The following ITIH6 variants were observed in gnomAD, a reference collection of about 807,000 sequenced individuals.
ITIH6 encodes the protein inter-alpha-trypsin inhibitor heavy chain H6.
ITIH6 carries 60 observed loss-of-function variants against 58.2 expected under a neutral mutation model. The observed-to-expected ratio is 1.03, with a 90% CI of 0.84 to 1.28. The LOEUF is 1.28. Among genes scored for constraint, ITIH6 ranks in the 50% most tolerant of loss-of-function variants. The pLI is 0.00. For synonymous variants in ITIH6, 493 were observed against 417.4 expected, an observed-to-expected ratio of 1.18 and a Z score of -2.21; for missense variants, 1,290 against 1,021.1, an observed-to-expected ratio of 1.26 and a Z score of -3.59.
Position 54,750,083 on chromosome X carries a change from G to T in ITIH6, c.3754C>A (p.Arg1252=), listed in dbSNP as rs762015353. 2 of 1,206,227 alleles carry T rather than the reference G, an allele frequency of 1.7e-6. No homozygotes were observed. The highest frequency in any genetic ancestry group is 3.5e-5 in the African/African-American group (2 of 57,030). Residue 1252 remains arginine, a synonymous_variant, in exon 13 of 13, where the codon CGA becomes AGA. Transcript: ENST00000218436. Reference sequence around the variant, plus strand: ...GGCCCCATAGGTCCTGTCACCAGTCGGATGTCTGCGTGCTGGAACTGCCCT... The same window carrying T: ...GGCCCCATAGGTCCTGTCACCAGTCTGATGTCTGCGTGCTGGAACTGCCCT... The part of the protein sequence containing the change: ...LIGQFQHADI[R]LVTGPMGPCL...
At chrX:54,770,552 A>T (rs1311108571) in intron 6 of ITIH6, among the ~76,000 whole-genome samples, 1 of 112,615 alleles carries the variant, frequency 8.9e-6, no homozygotes, top group Non-Finnish European at 1.9e-5. Context: ...TTTGCAGTAT[A>T]CATTTACAAC....
intron 2 of ITIH6, among the ~76,000 whole-genome samples, chrX:54,795,489 G>A (rs918121858): frequency 9.0e-6 from 1 of 111,545 alleles, no homozygotes; most frequent in Non-Finnish European, 1.9e-5. Context: ...ACCCAAGGAG[G>A]TGCTCTAACA....
intron 4 of ITIH6, 123 bp downstream of exon 4, chrX:54,790,714 A>T: frequency 1.1e-6 from 1 of 893,351 alleles, no homozygotes; most frequent in Non-Finnish European, 1.6e-6. Context: ...TCACTGAATC[A>T]GGAAGGAACT....
intron 5 of ITIH6, among the ~76,000 whole-genome samples, chrX:54,774,429 G>A (rs756424110): frequency 4.4e-5 from 5 of 113,073 alleles, no homozygotes; most frequent in African/African-American, 1.6e-4. Context: ...GCTGTGGAGG[G>A]AATGAGACTG....
intron 5 of ITIH6, among the ~76,000 whole-genome samples, chrX:54,779,050 G>A (rs773382239): frequency 1.7e-4 from 19 of 111,931 alleles, no homozygotes; most frequent in African/African-American, 2.3e-4. Flanking sequence ...TCCCTCAAAC[G>A]TGAAAGAGAA....
At chrX:54,770,366 A>C (rs989181094) in intron 6 of ITIH6, among the ~76,000 whole-genome samples, 1 of 112,704 alleles carries the variant, frequency 8.9e-6, no homozygotes, top group Non-Finnish European at 1.9e-5. Flanking sequence ...GGAGCTGTAG[A>C]CCGGAGCTGT....
At chrX:54,755,274 T>C (rs182952339) in intron 8 of ITIH6, among the ~76,000 whole-genome samples, 165 bp from the exon 9 acceptor site, 4 of 112,861 alleles carry the variant, frequency 3.5e-5, no homozygotes, top group Admixed American at 1.9e-4. Flanking sequence ...AGCTCAGATA[T>C]GTTCAAAGTT....
At chrX:54,791,108 G>A (rs751357852) in intron 3 of ITIH6, 24 bp from the exon 4 acceptor site, 6 of 1,204,700 alleles carry the variant, frequency 5.0e-6, no homozygotes. Context: ...GGAGGATGGT[G>A]GGAAGAGAAA....
At chrX:54,782,204 G>T (rs1929162493) in intron 5 of ITIH6, among the ~76,000 whole-genome samples, 1 of 111,055 alleles carries the variant, frequency 9.0e-6, no homozygotes. Context: ...ATCACCTGAG[G>T]TAAGGAGTTC....
At chrX:54,763,408 C>T (rs1039150737) in intron 6 of ITIH6, among the ~76,000 whole-genome samples, 7 of 111,571 alleles carry the variant, frequency 6.3e-5, no homozygotes, top group African/African-American at 9.8e-5. Flanking sequence ...TCTTGTTGAC[C>T]GGGAATAGAC....
In ITIH6 at chrX:54,791,983, T is replaced by G; in HGVS notation, c.311A>C (p.Lys104Thr). The G allele has an allele frequency of 8.3e-7, 1 of 1,209,900 alleles. No homozygotes were observed. Among genetic ancestry groups the G allele is most frequent in the Non-Finnish European group, 1.1e-6 (1 of 893,706 alleles). The change falls in exon 3 of 13, where the codon AAG becomes ACG. Residue 104 changes from lysine (K) to threonine (T), a missense_variant. Physicochemically the swap from Lys to Thr is moderately conservative, Grantham distance 78. Transcript: ENST00000218436. ...CTGATGGGCTTCTTCATAGATTTTC[T>G]TTGCCTGGTGCTTCTCTTTGACTTC... is the stretch of plus-strand genomic sequence containing the variant. Reference protein sequence around the residue: ...IAEVKEKHQAKKIYEEAHQQG... With the variant: ...IAEVKEKHQATKIYEEAHQQG...
At chrX:54,777,470 C>A (rs1929073496) in intron 5 of ITIH6, among the ~76,000 whole-genome samples, 1 of 112,273 alleles carries the variant, frequency 8.9e-6, no homozygotes. Flanking sequence ...TAGGCGGAAG[C>A]CAGGATGTGG....
Position 54,758,992 on chromosome X carries a change from T to C in ITIH6, c.1082A>G (p.Asp361Gly), listed in dbSNP as rs1403606827. ...AGCTGCCAGCAGAGCTGAGTTGACG[T>C]CTGTCCCTAATTGGGGAATAGATTG... ...LHCMEADGWT[D>G]VNSALLAAAS... is the part of the protein sequence containing the mutation. The change falls in exon 8 of 13, where the codon GAC becomes GGC. Residue 361 changes from aspartate (D) to glycine (G), a missense_variant. Physicochemically the swap from Asp to Gly is moderately conservative, Grantham distance 94. Transcript: ENST00000218436. 1 of 1,153,424 alleles carries C rather than the reference T, an allele frequency of 8.7e-7. No individual in the cohort carries two copies. Among genetic ancestry groups the C allele is most frequent in the Admixed American group, 2.5e-5 (1 of 39,314 alleles).
chrX:54,796,964 C>T lies in ITIH6; in HGVS notation c.235G>A (p.Ala79Thr). 8.3e-7 allele frequency: 1 copy of T among 1,210,683 alleles called. No individual in the cohort carries two copies. ...TACATAGTGAAATTGGAGATAAAGG[C>T]AAGATGAGGCAGATCCAGGTCAAAG... ...AIFDLDLPHL[A>T]FISNFTMTIN... The change falls in exon 2 of 13, where the codon GCC becomes ACC. Residue 79 changes from alanine to threonine, a missense_variant. Physicochemically the swap from Ala to Thr is moderately conservative, Grantham distance 58. Transcript: ENST00000218436.
rs1251375694 is a variant in ITIH6, at chrX:54,751,037, G to A, written c.3696C>T (p.Gly1232=). 1.0e-5 allele frequency: 12 copies of A among 1,180,742 alleles called. No individual in the cohort carries two copies. In the South Asian group the frequency reaches 1.9e-4, roughly 19 times the overall value. Residue 1232 remains glycine (G), a synonymous_variant, in exon 12 of 13, where the codon GGC becomes GGT. Transcript: ENST00000218436. ...CACGGGCTGAGGGGCTGAGGCCTGA[G>A]CCATTGGCCACGTAGAACCCCAGGT... is the stretch of plus-strand genomic sequence containing the variant. ...LPHLGFYVAN[G]SGLSPSARGL...
rs372370767 is a variant in ITIH6, at chrX:54,774,224, T to G, written c.787-27A>C. 150 of 665,634 alleles carry G rather than the reference T, an allele frequency of 2.3e-4. No homozygotes were observed. In the African/African-American group the frequency reaches 3.4e-3, roughly 15 times the overall value. 54.9% of individuals were successfully genotyped at this position (665,634 alleles called of 1,213,427 possible). A position where few individuals can be genotyped will look rare whatever the true frequency, so the allele number is the denominator to read the frequency against. ...TGGACCAAAAAAAAAAAAAAAAAAG[T>G]AGAACCAAGAAGAACAGTGAAAGCC... On this transcript the variant is annotated intron_variant, in intron 5 of 12. Transcript: ENST00000218436.
At position 54,757,803 on chromosome X, in the gene ITIH6, C is replaced by G. The variant is rs745309235; in HGVS notation, c.2271G>C (p.Arg757Ser). The G allele has an allele frequency of 3.3e-6, 4 of 1,210,950 alleles. No individual in the cohort carries two copies. The South Asian group carries it at 7.0e-5, about 21-fold the overall frequency. The change falls in exon 8 of 13, where the codon AGG becomes AGC. Residue 757 changes from arginine (R) to serine (S), a missense_variant. Arg to Ser is a moderately radical substitution (Grantham distance 110). Coordinates refer to ENST00000218436, the MANE Select transcript of ITIH6 (RefSeq NM_198510.3). ...CAGGTTTCACAGGTGGGACTTGTGTCCTGGAGTTCGTGGGTAATATATCAG... is the reference window on the plus strand; with the variant it reads ...CAGGTTTCACAGGTGGGACTTGTGTGCTGGAGTTCGTGGGTAATATATCAG... ...QNPDILPTNSRTQVPPVKPGI... is the reference protein window; with the variant it reads ...QNPDILPTNSSTQVPPVKPGI...
At chrX:54,752,795 T>A (rs540312500) in intron 11 of ITIH6, among the ~76,000 whole-genome samples, 2 of 111,895 alleles carry the variant, frequency 1.8e-5, no homozygotes, top group East Asian at 5.6e-4. Context: ...GAAACATGGC[T>A]TTATCAGTAT....
chrX:54,768,747 C>T lies in ITIH6; in HGVS notation c.903+5334G>A, dbSNP rs373936646. Among the ~76,000 whole-genome samples the T allele has an allele frequency of 1.4e-4, 14 of 102,812 alleles. No homozygotes were observed. The East Asian group carries it at 1.9e-3, about 14-fold the overall frequency. The allele number at this position is 102,812 out of a possible 115,157, so 89.3% of individuals were successfully genotyped here. A position where few individuals can be genotyped will look rare whatever the true frequency, so the allele number is the denominator to read the frequency against. ...CTTGTAGGGTTTCTGCCGAGAGATC[C>T]GCTGTTAGTCTGATGGGCTTCCCTT... On this transcript the variant is annotated intron_variant, in intron 6 of 12. Coordinates refer to ENST00000218436, the MANE Select transcript of ITIH6 (RefSeq NM_198510.3).
Sources: gnomAD v4.1 joint callset for allele counts (sites outside exome capture counted in the v4.1 genomes callset) on GRCh38, gnomAD v4.1.1 for gene constraint, MANE v1.5 for transcripts, NCBI Gene and HGNC (gene_info 2026-07-23, HGNC 2026-07-21) for gene names.